Variants in SLC9C1 observed in about 807,000 individuals in gnomAD.
SLC9C1 encodes sodium/hydrogen exchanger 10.
SLC9C1 carries 97 observed loss-of-function variants against 140.9 expected under a neutral mutation model. The observed-to-expected ratio is 0.69, with a 90% CI of 0.58 to 0.82. The LOEUF is 0.82. Ranked by LOEUF, SLC9C1 falls within the 40% of genes least tolerant of loss-of-function variation. SLC9C1 has a pLI of 0.00. For missense variants in SLC9C1, 1,340 were observed against 1,389.3 expected, an observed-to-expected ratio of 0.96 and a Z score of 0.56; for synonymous variants, 440 against 442.6, an observed-to-expected ratio of 0.99 and a Z score of 0.07.
intron 21 of SLC9C1, among the ~76,000 whole-genome samples, chr3:112,181,668 C>G (rs2077441779): frequency 6.6e-6 from 1 of 152,012 alleles, no homozygotes; most frequent in African/African-American, 2.4e-5. Context: ...AATATTGGTC[C>G]TCTGAAAACA....
chr3:112,238,862 C>T (rs2079064091), intron 12 of SLC9C1, among the ~76,000 whole-genome samples: 1 of 152,192 alleles, frequency 6.6e-6, no homozygotes, highest in Admixed American at 6.5e-5. Context: ...GGTCAGTCTG[C>T]CCCTACTGGG....
chr3:112,182,328 CT>C, intron 20 of SLC9C1, 70 bp from the exon 21 acceptor site: 1 of 1,447,786 alleles, frequency 6.9e-7, no homozygotes, highest in Non-Finnish European at 9.2e-7. Flanking sequence ...GCAGACAGGT[CT>C]TTGTACTATT....
intron 28 of SLC9C1, among the ~76,000 whole-genome samples, chr3:112,150,830 ATATATATATATTTTTT>A (rs2074948413): frequency 2.6e-5 from 1 of 38,896 alleles, no homozygotes. Context: ...ACATATATAT[ATATATATATATTTTTT>A]TTTTTTTTTG....
intron 3 of SLC9C1, 88 bp downstream of exon 3, chr3:112,280,595 T>G: frequency 9.4e-7 from 1 of 1,064,264 alleles, no homozygotes; most frequent in East Asian, 2.7e-5. Context: ...AGTGAGGGGA[T>G]GAATAACTTT....
chr3:112,284,987 T>TTTC (rs1264462878), intron 2 of SLC9C1, among the ~76,000 whole-genome samples: 12 of 131,072 alleles, frequency 9.2e-5, no homozygotes, highest in African/African-American at 3.0e-4. Context: ...CAATTTTTCT[T>TTTC]TTTTTTTTTT....
At chr3:112,270,674 G>C (rs2080046777) in intron 6 of SLC9C1, among the ~76,000 whole-genome samples, 1 of 152,108 alleles carries the variant, frequency 6.6e-6, no homozygotes, top group Non-Finnish European at 1.5e-5. Flanking sequence ...AAATTAGCTG[G>C]GTGTGGTGGC....
intron 20 of SLC9C1, among the ~76,000 whole-genome samples, chr3:112,198,794 T>C (rs2077829830): frequency 1.3e-5 from 2 of 152,116 alleles, no homozygotes; most frequent in Admixed American, 1.3e-4. Context: ...TGTATGTGTA[T>C]TTACAAGTAT....
chr3:112,234,237 G>A (rs2078918173), intron 12 of SLC9C1, among the ~76,000 whole-genome samples: 1 of 152,198 alleles, frequency 6.6e-6, no homozygotes. Flanking sequence ...GACCAGTAAT[G>A]ATGAGCATTT....
At chr3:112,215,295 G>C (rs2078328218) in intron 15 of SLC9C1, among the ~76,000 whole-genome samples, 2 of 152,126 alleles carry the variant, frequency 1.3e-5, no homozygotes, top group South Asian at 4.2e-4. Flanking sequence ...TTGAAAACTG[G>C]CACAAGACAG....
chr3:112,230,022 A>G (rs962066286), intron 13 of SLC9C1, among the ~76,000 whole-genome samples: 2 of 152,154 alleles, frequency 1.3e-5, no homozygotes, highest in African/African-American at 4.8e-5. Flanking sequence ...AAATGTTTGT[A>G]AAATACTCCT....
At chr3:112,185,786 G>T (rs2077525432) in intron 20 of SLC9C1, 1 of 1,553,662 alleles carries the variant, frequency 6.4e-7, no homozygotes, top group East Asian at 2.4e-5. Context: ...CGATGCGGCT[G>T]CGAGAGGGCA....
At chr3:112,150,950 G>T (rs1487890753) in intron 28 of SLC9C1, among the ~76,000 whole-genome samples, 1 of 150,410 alleles carries the variant, frequency 6.6e-6, no homozygotes, top group Non-Finnish European at 1.5e-5. Flanking sequence ...CGATTCTCCT[G>T]CCTCAGCCCC....
Position 112,179,636 on chromosome 3 carries a change from C to T in SLC9C1, c.2814G>A (p.Pro938=), listed in dbSNP as rs200509549. The part of the protein sequence containing the change: ...QMVESKEKDF[P]IIDTDYMLSG... Reference sequence around the variant, plus strand: ...TGAGCATATAGTCTGTGTCAATTATCGGAAAATCTTTCTCCTTTGACTCCA... The same window carrying T: ...TGAGCATATAGTCTGTGTCAATTATTGGAAAATCTTTCTCCTTTGACTCCA... Residue 938 remains proline (P), a synonymous_variant, in exon 23 of 29, where the codon CCG becomes CCA. Transcript: ENST00000305815. 45 of 1,611,078 alleles carry T rather than the reference C, an allele frequency of 2.8e-5. 1 individual carries two copies. In the Middle Eastern group the frequency reaches 4.9e-4, roughly 18 times the overall value.
chr3:112,222,410 A>G (rs1269553889), intron 13 of SLC9C1, among the ~76,000 whole-genome samples: 1 of 152,180 alleles, frequency 6.6e-6, no homozygotes, highest in Non-Finnish European at 1.5e-5. Flanking sequence ...GAGAAATCCA[A>G]TCTACTTTGA....
At chr3:112,286,616 A>G (rs1271567866) in intron 2 of SLC9C1, 88 bp downstream of exon 2, 1 of 1,108,860 alleles carries the variant, frequency 9.0e-7, no homozygotes, top group African/African-American at 1.6e-5. Context: ...ATTATATCCT[A>G]TTACTTCTAC....
chr3:112,272,314 A>G (rs907864922), intron 6 of SLC9C1, among the ~76,000 whole-genome samples: 6 of 152,238 alleles, frequency 3.9e-5, no homozygotes, highest in African/African-American at 1.4e-4. Context: ...TTGTTAAGCC[A>G]GGAAAAGTCT....
Position 112,208,382 on chromosome 3 carries a change from CA to C in SLC9C1, c.1791-10del. On this transcript the variant is annotated splice_polypyrimidine_tract_variant and intron_variant, in intron 15 of 28. Coordinates refer to ENST00000305815, the MANE Select transcript of SLC9C1 (RefSeq NM_183061.3). Reference sequence around the variant, plus strand: ...TACGAAAAAAGAAGTATCTGTAAAACAAAAAGACAGTTTTATCTGATAAAAG... The same window carrying C: ...TACGAAAAAAGAAGTATCTGTAAAACAAAAGACAGTTTTATCTGATAAAAG... 2 of 1,505,764 alleles carry C rather than the reference CA, an allele frequency of 1.3e-6. No homozygotes were observed. The highest frequency in any genetic ancestry group is 8.9e-7 in the Non-Finnish European group (1 of 1,119,710). The allele number at this position is 1,505,764 out of a possible 1,614,324, so 93.3% of individuals were successfully genotyped here. A position where few individuals can be genotyped will look rare whatever the true frequency, so the allele number is the denominator to read the frequency against.
chr3:112,274,218 C>T (rs2080153502), intron 6 of SLC9C1, among the ~76,000 whole-genome samples: 1 of 151,974 alleles, frequency 6.6e-6, no homozygotes, highest in African/African-American at 2.4e-5. Flanking sequence ...ACATAAGATG[C>T]TTCTAGGGAT....
chr3:112,190,548 C>A (rs1311839626), intron 20 of SLC9C1, among the ~76,000 whole-genome samples: 1 of 152,088 alleles, frequency 6.6e-6, no homozygotes, highest in African/African-American at 2.4e-5. Context: ...TAGCATTGAA[C>A]AATAACAGTT....
Sources: gnomAD v4.1 joint callset for allele counts (sites outside exome capture counted in the v4.1 genomes callset) on GRCh38, gnomAD v4.1.1 for gene constraint, MANE v1.5 for transcripts, NCBI Gene and HGNC (gene_info 2026-07-23, HGNC 2026-07-21) for gene names.